ZFAND3: variants seen among roughly 807,000 people sequenced by gnomAD.
ZFAND3 encodes AN1-type zinc finger protein 3.
Under a neutral mutation model 29.6 loss-of-function variants are expected in ZFAND3, and 10 were observed. The observed-to-expected ratio is 0.34, with a 90% CI of 0.21 to 0.57. The LOEUF is 0.57. Ranked by LOEUF, ZFAND3 falls within the 20% of genes least tolerant of loss-of-function variation. The probability of loss-of-function intolerance (pLI) is 0.86; values close to 1 mark genes in which losing one functional copy is unlikely to be tolerated. For synonymous variants in ZFAND3, 128 were observed against 112.6 expected, an observed-to-expected ratio of 1.14 and a Z score of -0.87; for missense variants, 230 against 304.5, an observed-to-expected ratio of 0.76 and a Z score of 1.82.
chr6:38,117,807 CT>C (rs1205992394), intron 5 of ZFAND3, among the ~76,000 whole-genome samples: 1 of 152,214 alleles, frequency 6.6e-6, no homozygotes, highest in Admixed American at 6.5e-5. Flanking sequence ...AGTTTACTAT[CT>C]TCTGAAGCGG....
chr6:38,060,500 C>T (rs376367173), intron 2 of ZFAND3, among the ~76,000 whole-genome samples: 6 of 150,678 alleles, frequency 4.0e-5, no homozygotes, highest in African/African-American at 1.5e-4. Flanking sequence ...GTCCTGTCCT[C>T]CCTTCCCCTT....
chr6:37,974,994 G>C (rs1156238109), intron 2 of ZFAND3, among the ~76,000 whole-genome samples: 1 of 152,120 alleles, frequency 6.6e-6, no homozygotes, highest in African/African-American at 2.4e-5. Context: ...TTGCTTCTGG[G>C]TAAATGCCTG....
intron 2 of ZFAND3, among the ~76,000 whole-genome samples, chr6:37,948,790 C>CT (rs1440653094): frequency 6.6e-6 from 1 of 152,116 alleles, no homozygotes. Context: ...TGATCTTGTT[C>CT]TTTTTTATGG....
intron 2 of ZFAND3, among the ~76,000 whole-genome samples, chr6:37,962,636 A>G (rs1762217649): frequency 6.6e-6 from 1 of 152,116 alleles, no homozygotes; most frequent in African/African-American, 2.4e-5. Flanking sequence ...CGCACCAATC[A>G]GCGCTCTGTG....
At chr6:38,034,406 G>A (rs149911979) in intron 2 of ZFAND3, among the ~76,000 whole-genome samples, 157 of 152,280 alleles carry the variant, frequency 1.0e-3, no homozygotes, top group African/African-American at 3.6e-3. Flanking sequence ...ATACTGGGAT[G>A]TATCACCCTT....
intron 1 of ZFAND3, among the ~76,000 whole-genome samples, chr6:37,828,192 C>G (rs553456400): frequency 6.6e-6 from 1 of 152,344 alleles, no homozygotes; most frequent in East Asian, 1.9e-4. Context: ...CACAAACACT[C>G]TTCCTGTAGT....
chr6:38,094,729 TATTC>T (rs1413044794), intron 4 of ZFAND3, among the ~76,000 whole-genome samples: 7 of 152,224 alleles, frequency 4.6e-5, no homozygotes, highest in East Asian at 1.9e-4. Context: ...TGGAAATACT[TATTC>T]ATCATATCTT....
At chr6:38,039,172 T>A (rs909022137) in intron 2 of ZFAND3, among the ~76,000 whole-genome samples, 1 of 152,170 alleles carries the variant, frequency 6.6e-6, no homozygotes, top group Non-Finnish European at 1.5e-5. Flanking sequence ...AGGTATTGGG[T>A]CTTATTTCTA....
At chr6:37,907,777 C>A (rs966011193) in intron 1 of ZFAND3, among the ~76,000 whole-genome samples, 3 of 152,170 alleles carry the variant, frequency 2.0e-5, no homozygotes, top group Non-Finnish European at 4.4e-5. Flanking sequence ...GTATAGCAAA[C>A]ACCTATTTAC....
At chr6:37,949,102 T>C (rs1337303662) in intron 2 of ZFAND3, among the ~76,000 whole-genome samples, 1 of 152,216 alleles carries the variant, frequency 6.6e-6, no homozygotes, top group Non-Finnish European at 1.5e-5. Context: ...CATTCTCTTT[T>C]CTCTGCACCC....
At chr6:38,050,030 C>T (rs995978399) in intron 2 of ZFAND3, among the ~76,000 whole-genome samples, 1 of 138,608 alleles carries the variant, frequency 7.2e-6, no homozygotes, top group African/African-American at 2.8e-5. Flanking sequence ...TCTTGGCTTT[C>T]TGCAACTTCT....
chr6:38,123,576 T>G (rs761768915), intron 5 of ZFAND3, among the ~76,000 whole-genome samples: 4 of 152,198 alleles, frequency 2.6e-5, no homozygotes, highest in Non-Finnish European at 4.4e-5. Context: ...GGTGAAATGT[T>G]ATCATTATTG....
chr6:37,865,177 CA>C (rs1196566541), intron 1 of ZFAND3, among the ~76,000 whole-genome samples: 1 of 151,250 alleles, frequency 6.6e-6, no homozygotes, highest in East Asian at 1.9e-4. Context: ...CACTTCGTCT[CA>C]AAAAAAATAA....
chr6:38,019,443 G>T (rs1763308475), intron 2 of ZFAND3, among the ~76,000 whole-genome samples: 3 of 152,060 alleles, frequency 2.0e-5, no homozygotes, highest in African/African-American at 7.2e-5. Context: ...TTAAGAAAAT[G>T]AGTCCTTTTC....
intron 2 of ZFAND3, among the ~76,000 whole-genome samples, chr6:37,981,906 C>T (rs2645123): frequency 0.87 from 132,045 of 152,158 alleles, 58,102 homozygotes; most frequent in East Asian, 0.96. Context: ...TCAGTCAGTA[C>T]ATGTAAGATT....
At chr6:38,147,693 C>G (rs940579312) in intron 5 of ZFAND3, among the ~76,000 whole-genome samples, 8 of 152,136 alleles carry the variant, frequency 5.3e-5, no homozygotes, top group Non-Finnish European at 1.2e-4. Context: ...TAAGATATCT[C>G]ATTGTGGTTT....
intron 1 of ZFAND3, among the ~76,000 whole-genome samples, chr6:37,917,802 G>C (rs1561933483): frequency 6.6e-6 from 1 of 152,128 alleles, no homozygotes; most frequent in Non-Finnish European, 1.5e-5. Context: ...GTGGTATCCT[G>C]ACTCTTTCAC....
chr6:37,996,450 C>G lies in ZFAND3; in HGVS notation c.113-65143C>G, dbSNP rs546894049. 3.9e-5 allele frequency among the ~76,000 whole-genome samples: 6 copies of G among 152,302 alleles called. 1 individual carries two copies. The South Asian group carries it at 1.2e-3, about 32-fold the overall frequency. The stretch of plus-strand genomic sequence containing the variant: ...AGATTAGTAACCATCCCACAGTTAA[C>G]AGAACTAATAGTTTAGCAGAGCCTA... On this transcript the variant is annotated intron_variant, in intron 2 of 5. Coordinates refer to ENST00000287218, the MANE Select transcript of ZFAND3 (RefSeq NM_021943.3).
intron 2 of ZFAND3, among the ~76,000 whole-genome samples, chr6:38,053,029 A>C (rs1047686453): frequency 6.7e-6 from 1 of 148,326 alleles, no homozygotes; most frequent in Non-Finnish European, 1.5e-5. Context: ...GCAAGACTCC[A>C]TTTCGAAAAA....
Sources: allele counts gnomAD v4.1 joint callset (sites outside exome capture counted in the v4.1 genomes callset), GRCh38; gene constraint gnomAD v4.1.1; transcripts MANE v1.5; gene names NCBI Gene and HGNC (gene_info 2026-07-23, HGNC 2026-07-21).